GPC5: variants seen among roughly 807,000 people sequenced by gnomAD.
GPC5 encodes glypican 5.
A neutral mutation model predicts 53.9 loss-of-function variants in GPC5; 47 were observed. That is an observed-to-expected ratio of 0.87 (90% CI 0.69 to 1.11). The LOEUF (loss-of-function observed/expected upper bound fraction) is 1.11. Ranked by LOEUF, GPC5 falls within the 50% of genes most tolerant of loss-of-function variation. GPC5 has a pLI of 0.00. For synonymous variants in GPC5, 286 were observed against 263.3 expected (o/e 1.09, Z -0.84); for missense variants, 748 against 713.1 (o/e 1.05, Z -0.56).
intron 7 of GPC5, among the ~76,000 whole-genome samples, chr13:92,442,303 C>T (rs1319044351): frequency 1.3e-5 from 2 of 152,050 alleles, no homozygotes; most frequent in African/African-American, 4.8e-5. Flanking sequence ...TGCTACATAA[C>T]ATATACAGGT....
At chr13:92,535,890 T>A (rs2138994422) in intron 7 of GPC5, among the ~76,000 whole-genome samples, 1 of 152,194 alleles carries the variant, frequency 6.6e-6, no homozygotes, top group Admixed American at 6.5e-5. Flanking sequence ...AATGGAGTAG[T>A]GTGAGCATTG....
rs191842716 is a variant in GPC5, at chr13:92,221,779, C to G, written c.1561+76790C>G. Among the ~76,000 whole-genome samples the G allele has an allele frequency of 3.4e-3, 520 of 152,106 alleles. 4 individuals carry two copies. The highest frequency in any genetic ancestry group is 0.012 in the African/African-American group (504 of 41,490). ...TTCATTGTAAAGAATCACTAGAATC[C>G]AGCTCTCAGGCTCCCTCTGCATTTT... On this transcript the variant is annotated intron_variant, in intron 7 of 7. Coordinates refer to ENST00000377067, the MANE Select transcript of GPC5 (RefSeq NM_004466.6).
chr13:92,728,857 G>A (rs889827156), intron 7 of GPC5, among the ~76,000 whole-genome samples: 2 of 151,326 alleles, frequency 1.3e-5, no homozygotes, highest in South Asian at 4.1e-4. Flanking sequence ...TTTTAAAGTT[G>A]CAGAAACTAG....
intron 7 of GPC5, among the ~76,000 whole-genome samples, chr13:92,863,469 C>T (rs993476248): frequency 3.9e-5 from 6 of 152,264 alleles, no homozygotes; most frequent in Non-Finnish European, 5.9e-5. Flanking sequence ...ACTTCCTTAG[C>T]AGAGCACTCC....
At chr13:92,376,076 A>T (rs1459114288) in intron 7 of GPC5, among the ~76,000 whole-genome samples, 1 of 152,220 alleles carries the variant, frequency 6.6e-6, no homozygotes, top group African/African-American at 2.4e-5. Context: ...GGGTAGTTTC[A>T]TTGAGAAACT....
intron 6 of GPC5, among the ~76,000 whole-genome samples, chr13:92,085,644 G>T (rs1039443038): frequency 6.6e-6 from 1 of 152,200 alleles, no homozygotes; most frequent in African/African-American, 2.4e-5. Flanking sequence ...CAGTTATACA[G>T]CTGATCATAA....
chr13:91,678,737 GTT>G (rs72106700), intron 2 of GPC5, among the ~76,000 whole-genome samples: 22 of 144,460 alleles, frequency 1.5e-4, no homozygotes, highest in Non-Finnish European at 2.8e-4. Flanking sequence ...AGGAGTTTTT[GTT>G]TTTTTTTTTG....
At chr13:92,651,542 G>A (rs1885958895) in intron 7 of GPC5, among the ~76,000 whole-genome samples, 3 of 152,032 alleles carry the variant, frequency 2.0e-5, no homozygotes, top group Admixed American at 6.6e-5. Context: ...ACAGCCAAGA[G>A]GAGCCTATAG....
chr13:92,351,838 C>A (rs762250466), intron 7 of GPC5, among the ~76,000 whole-genome samples: 18 of 151,966 alleles, frequency 1.2e-4, no homozygotes, highest in Non-Finnish European at 2.2e-4. Context: ...ATTAGAGGAA[C>A]CAATTAAGAC....
chr13:91,799,576 T>C (rs1340095339), intron 5 of GPC5, among the ~76,000 whole-genome samples: 2 of 152,178 alleles, frequency 1.3e-5, no homozygotes, highest in African/African-American at 4.8e-5. Flanking sequence ...CTTCCCCCTA[T>C]ACTATAAAAT....
intron 7 of GPC5, among the ~76,000 whole-genome samples, chr13:92,541,661 A>G (rs960830055): frequency 1.3e-5 from 2 of 151,870 alleles, no homozygotes; most frequent in African/African-American, 2.4e-5. Context: ...TCTGTTATGA[A>G]AAGTGTTTTT....
At chr13:92,624,696 T>C (rs887270016) in intron 7 of GPC5, among the ~76,000 whole-genome samples, 2 of 152,146 alleles carry the variant, frequency 1.3e-5, no homozygotes, top group Non-Finnish European at 2.9e-5. Context: ...ATGAGTTTGA[T>C]TACAGGAAAG....
At chr13:92,299,320 G>A (rs1481002637) in intron 7 of GPC5, among the ~76,000 whole-genome samples, 1 of 152,148 alleles carries the variant, frequency 6.6e-6, no homozygotes, top group Non-Finnish European at 1.5e-5. Flanking sequence ...AATAATGAAA[G>A]TCTCTTGACG....
At chr13:92,865,033 G>C (rs946285944) in intron 7 of GPC5, among the ~76,000 whole-genome samples, 2 of 152,062 alleles carry the variant, frequency 1.3e-5, no homozygotes, top group Non-Finnish European at 2.9e-5. Flanking sequence ...CAGTCACTTA[G>C]TCTCAGAACA....
intron 5 of GPC5, among the ~76,000 whole-genome samples, chr13:91,900,929 C>A (rs1450032415): frequency 6.6e-6 from 1 of 152,044 alleles, no homozygotes; most frequent in Non-Finnish European, 1.5e-5. Flanking sequence ...AACTGGCATG[C>A]GTAGATTCAC....
intron 7 of GPC5, among the ~76,000 whole-genome samples, chr13:92,289,371 A>G (rs2042978279): frequency 6.6e-6 from 1 of 152,134 alleles, no homozygotes; most frequent in African/African-American, 2.4e-5. Context: ...AAGAGAATAT[A>G]GAATTTAATA....
chr13:92,383,158 T>C (rs1416948633), intron 7 of GPC5, among the ~76,000 whole-genome samples: 2 of 152,236 alleles, frequency 1.3e-5, no homozygotes, highest in Non-Finnish European at 2.9e-5. Context: ...CCTCTTCATC[T>C]GTCATTTCAT....
At chr13:92,012,944 G>A (rs2040674977) in intron 6 of GPC5, among the ~76,000 whole-genome samples, 1 of 152,166 alleles carries the variant, frequency 6.6e-6, no homozygotes, top group Admixed American at 6.5e-5. Context: ...AGTGCATGTG[G>A]GACCTGGCCA....
chr13:91,690,810 A>G (rs1313731505), intron 2 of GPC5, among the ~76,000 whole-genome samples: 1 of 152,206 alleles, frequency 6.6e-6, no homozygotes, highest in Non-Finnish European at 1.5e-5. Context: ...TAATATGGCA[A>G]TTGTCAGTCA....
Sources: gnomAD v4.1 joint callset for allele counts (sites outside exome capture counted in the v4.1 genomes callset) on GRCh38, gnomAD v4.1.1 for gene constraint, MANE v1.5 for transcripts, NCBI Gene and HGNC (gene_info 2026-07-23, HGNC 2026-07-21) for gene names.